Variants in AGBL1 observed in about 807,000 individuals in gnomAD.
The protein encoded by AGBL1 is AGBL carboxypeptidase 1.
Under a neutral mutation model 118.9 loss-of-function variants are expected in AGBL1, and 130 were observed. That is an observed-to-expected ratio of 1.09 (90% CI 0.95 to 1.26). AGBL1 has a LOEUF of 1.26. AGBL1 is among the 50% of genes most tolerant of loss of function. The probability of loss-of-function intolerance (pLI) is 0.00; values close to 1 mark genes in which losing one functional copy is unlikely to be tolerated. For missense variants in AGBL1, 1,584 were observed against 1,298.1 expected, an observed-to-expected ratio of 1.22 and a Z score of -3.38; for synonymous variants, 555 against 478.9, an observed-to-expected ratio of 1.16 and a Z score of -2.08.
rs1275549604 is a variant in AGBL1 at position 86,908,391 on chromosome 15, C to T, written c.*1097C>T. 6.6e-6 allele frequency: 1 copy of T among 152,188 alleles called. No individual in the cohort carries two copies. Among genetic ancestry groups the T allele is most frequent in the African/African-American group, 2.4e-5 (1 of 41,436 alleles). The allele number at this position is 152,188 out of a possible 1,614,324, so 9.4% of individuals were successfully genotyped here. ...AAGTGTGGTGGCGCACACCTGTAATCCCAGCTACTTGGGAGGCTGAGAAAG... is the reference window on the plus strand; with the variant it reads ...AAGTGTGGTGGCGCACACCTGTAATTCCAGCTACTTGGGAGGCTGAGAAAG... On this transcript the variant is annotated 3_prime_UTR_variant, in exon 23 of 23. Coordinates refer to ENST00000614907, the MANE Select transcript of AGBL1 (RefSeq NM_001386094.1).
intron 17 of AGBL1, among the ~76,000 whole-genome samples, chr15:86,306,222 T>C (rs1447066905): frequency 6.6e-6 from 1 of 152,126 alleles, no homozygotes; most frequent in Non-Finnish European, 1.5e-5. Flanking sequence ...TTATTGACTA[T>C]AGTCACCCCA....
chr15:86,418,885 A>G (rs1316042716), intron 18 of AGBL1, among the ~76,000 whole-genome samples: 1 of 152,148 alleles, frequency 6.6e-6, no homozygotes, highest in Non-Finnish European at 1.5e-5. Context: ...CTGAACTGAC[A>G]TGTTACATAT....
At chr15:86,896,791 C>T (rs532468249) in intron 22 of AGBL1, among the ~76,000 whole-genome samples, 1 of 152,194 alleles carries the variant, frequency 6.6e-6, no homozygotes, top group South Asian at 2.1e-4. Context: ...CTTTTGTAAA[C>T]ATCATTTCCA....
chr15:86,802,560 T>C (rs2078664840), intron 22 of AGBL1, among the ~76,000 whole-genome samples: 1 of 152,174 alleles, frequency 6.6e-6, no homozygotes, highest in South Asian at 2.1e-4. Context: ...ATACTTAATA[T>C]GTAATGTAGT....
chr15:86,856,778 T>G (rs1191187927), intron 22 of AGBL1, among the ~76,000 whole-genome samples: 2 of 152,250 alleles, frequency 1.3e-5, no homozygotes, highest in Non-Finnish European at 2.9e-5. Flanking sequence ...GAGCCAGAAC[T>G]GCATTACACG....
At chr15:86,405,778 A>C (rs2081518497) in intron 18 of AGBL1, among the ~76,000 whole-genome samples, 2 of 152,228 alleles carry the variant, frequency 1.3e-5, no homozygotes. Context: ...GAATTAGTAC[A>C]AATCTAATAC....
intron 17 of AGBL1, among the ~76,000 whole-genome samples, chr15:86,338,941 C>T (rs999646207): frequency 2.0e-5 from 3 of 152,044 alleles, no homozygotes; most frequent in Admixed American, 1.3e-4. Context: ...GAGGATGTAA[C>T]CCTCTACTAG....
At chr15:86,230,407 A>G (rs914815343) in intron 6 of AGBL1, among the ~76,000 whole-genome samples, 1 of 152,216 alleles carries the variant, frequency 6.6e-6, no homozygotes, top group Non-Finnish European at 1.5e-5. Context: ...ATGGCAATAT[A>G]TGTTTAGGAT....
At chr15:86,687,567 A>G (rs1371374319) in intron 22 of AGBL1, among the ~76,000 whole-genome samples, 2 of 152,186 alleles carry the variant, frequency 1.3e-5, no homozygotes, top group Non-Finnish European at 2.9e-5. Flanking sequence ...ATATTTTAAT[A>G]TAGTCATGAG....
chr15:86,146,190 T>C (rs2077031339), intron 3 of AGBL1, among the ~76,000 whole-genome samples: 1 of 152,238 alleles, frequency 6.6e-6, no homozygotes, highest in South Asian at 2.1e-4. Flanking sequence ...TTTCTGTGGG[T>C]TCTGCACCCA....
chr15:86,187,456 A>C (rs16949167), intron 5 of AGBL1, among the ~76,000 whole-genome samples: 7,752 of 152,284 alleles, frequency 0.051, 360 homozygotes, highest in African/African-American at 0.12. Context: ...TATTGAAAAT[A>C]ACATTAGGTC....
chr15:86,867,180 T>C (rs1567214889), intron 22 of AGBL1, among the ~76,000 whole-genome samples: 1 of 152,142 alleles, frequency 6.6e-6, no homozygotes, highest in Non-Finnish European at 1.5e-5. Flanking sequence ...GGGAATTGTA[T>C]TTCACAATCA....
At chr15:86,119,543 C>T (rs1010465583) in intron 1 of AGBL1, among the ~76,000 whole-genome samples, 2 of 152,052 alleles carry the variant, frequency 1.3e-5, no homozygotes, top group Non-Finnish European at 2.9e-5. Context: ...ATGATCTGCC[C>T]CCCCGGACCC....
chr15:86,877,493 T>G (rs1489316897), intron 22 of AGBL1, among the ~76,000 whole-genome samples: 7 of 152,166 alleles, frequency 4.6e-5, no homozygotes, highest in Non-Finnish European at 8.8e-5. Flanking sequence ...GGACAGACTT[T>G]CTTGTCAAAG....
intron 21 of AGBL1, among the ~76,000 whole-genome samples, chr15:86,570,807 A>G (rs550328025): frequency 6.6e-6 from 1 of 152,176 alleles, no homozygotes; most frequent in East Asian, 1.9e-4. Context: ...GGCTGGAGGC[A>G]TCTTTGCCCA....
intron 22 of AGBL1, among the ~76,000 whole-genome samples, chr15:86,766,259 C>CT (rs1174142840): frequency 6.6e-6 from 1 of 151,852 alleles, no homozygotes; most frequent in Non-Finnish European, 1.5e-5. Flanking sequence ...CCAGGGTGTA[C>CT]CGCCTCCTAG....
chr15:86,826,601 C>T (rs891464148), intron 22 of AGBL1, among the ~76,000 whole-genome samples: 7 of 151,864 alleles, frequency 4.6e-5, no homozygotes, highest in Non-Finnish European at 2.9e-5. Flanking sequence ...TTTAGTAGAC[C>T]CTAAAATTTC....
chr15:86,506,673 A>T (rs1270369204), intron 18 of AGBL1, among the ~76,000 whole-genome samples: 1 of 152,082 alleles, frequency 6.6e-6, no homozygotes, highest in Non-Finnish European at 1.5e-5. Flanking sequence ...GTAAATTCAG[A>T]ACCGATGACA....
intron 23 of AGBL1, among the ~76,000 whole-genome samples, chr15:86,975,947 A>T (rs2081172603): frequency 6.6e-6 from 1 of 152,106 alleles, no homozygotes; most frequent in Admixed American, 6.6e-5. Context: ...GTTTAACTTC[A>T]TACCTAATAA....
Sources: gnomAD v4.1 joint callset for allele counts (sites outside exome capture counted in the v4.1 genomes callset) on GRCh38, gnomAD v4.1.1 for gene constraint, MANE v1.5 for transcripts, NCBI Gene and HGNC (gene_info 2026-07-23, HGNC 2026-07-21) for gene names.